Variants in SMG7 observed in about 807,000 individuals in gnomAD.
SMG7 encodes SMG7 nonsense mediated mRNA decay factor, also known as nonsense-mediated mRNA decay factor SMG7.
SMG7 carries 34 observed loss-of-function variants against 148.2 expected under a neutral mutation model. That is an observed-to-expected ratio of 0.23 (90% CI 0.17 to 0.31). The LOEUF is 0.31. SMG7 is among the 10% of genes least tolerant of loss of function. SMG7 has a pLI of 1.00. For synonymous variants in SMG7, 492 were observed against 515.1 expected (o/e 0.96, Z 0.61); for missense variants, 1,114 against 1,408.4 (o/e 0.79, Z 3.35).
rs921509603 is a variant in SMG7 at position 183,550,898 on chromosome 1, A to C, written c.3281A>C (p.Asp1094Ala). 6.2e-7 allele frequency: 1 copy of C among 1,614,136 alleles called. No homozygotes were observed. Residue 1094 changes from aspartate to alanine, a missense_variant, in exon 21 of 23, where the codon GAT (aspartate) becomes GCT (alanine). By Grantham distance (126) the Asp-to-Ala change is moderately radical. Coordinates refer to ENST00000688051, the MANE Select transcript of SMG7 (RefSeq NM_001375584.1). ...GATAACAGGGATAGAAGGACTGCAG[A>C]TCGGTGGAAAACTGATAAGCCAGGT... ...TPDNRDRRTA[D>A]RWKTDKPAMG...
intron 1 of SMG7, among the ~76,000 whole-genome samples, chr1:183,492,451 T>A (rs906255286): frequency 1.3e-5 from 2 of 152,256 alleles, no homozygotes; most frequent in Non-Finnish European, 2.9e-5. Context: ...ACTGTCTTGA[T>A]GACCACAACT....
rs1168766999 is a variant in SMG7, at chr1:183,545,177, A to T, written c.2235A>T (p.Thr745=). Residue 745 remains threonine (T), a synonymous_variant, in exon 16 of 23, where the codon ACA becomes ACT. Coordinates refer to ENST00000688051, the MANE Select transcript of SMG7 (RefSeq NM_001375584.1). ...QSQPPSQQPL[T]SLPAQPTAQS... ...AGCCACCTTCCCAGCAACCCCTTAC[A>T]TCTTTACCAGCTCAGCCAACAGCAC... is the stretch of plus-strand genomic sequence containing the variant. The T allele has an allele frequency of 6.2e-7, 1 of 1,614,096 alleles. No individual in the cohort carries two copies. The highest frequency in any genetic ancestry group is 8.5e-7 in the Non-Finnish European group (1 of 1,180,016).
At chr1:183,550,968 T>C in intron 21 of SMG7, 47 bp downstream of exon 21, 1 of 1,613,440 alleles carries the variant, frequency 6.2e-7, no homozygotes, top group Non-Finnish European at 8.5e-7. Context: ...GAATTTACTC[T>C]ATCCTTCCCT....
chr1:183,540,807 C>G (rs1184836262), intron 12 of SMG7, among the ~76,000 whole-genome samples, 177 bp from the exon 13 acceptor site: 1 of 152,108 alleles, frequency 6.6e-6, no homozygotes, highest in Non-Finnish European at 1.5e-5. Context: ...TGCTTTGTTT[C>G]ATAGTTTGTA....
intron 11 of SMG7, among the ~76,000 whole-genome samples, chr1:183,538,175 T>A (rs1447606123): frequency 6.6e-6 from 1 of 152,164 alleles, no homozygotes; most frequent in Non-Finnish European, 1.5e-5. Flanking sequence ...AGGTGAGTGT[T>A]AGGGGAATGT....
chr1:183,473,177 C>T (rs979253069), intron 1 of SMG7, among the ~76,000 whole-genome samples: 49 of 151,614 alleles, frequency 3.2e-4, no homozygotes, highest in African/African-American at 1.2e-3. Context: ...TCTTCATTCT[C>T]GGGTTGGGAG....
chr1:183,537,628 G>A (rs1245603330), intron 11 of SMG7, among the ~76,000 whole-genome samples: 1 of 152,086 alleles, frequency 6.6e-6, no homozygotes, highest in Non-Finnish European at 1.5e-5. Flanking sequence ...TATCTTCTTC[G>A]GGCCTTTTTC....
intron 4 of SMG7, 71 bp from the exon 5 acceptor site, chr1:183,526,525 C>A: frequency 1.0e-6 from 1 of 997,626 alleles, no homozygotes; most frequent in Non-Finnish European, 1.5e-6. Context: ...AGGTACACAT[C>A]TTACAGTTTA....
At position 183,553,852 on chromosome 1, in the gene SMG7, G is replaced by A. The variant is rs1671459847; in HGVS notation, c.*1921G>A. On this transcript the variant is annotated 3_prime_UTR_variant, in exon 23 of 23. Coordinates refer to ENST00000688051, the MANE Select transcript of SMG7 (RefSeq NM_001375584.1). ...ATTCAGGCAGCTGCAACATTCCAGTGTTTGAACTGTCACTGATTCTTGCGC... is the reference window on the plus strand; with the variant it reads ...ATTCAGGCAGCTGCAACATTCCAGTATTTGAACTGTCACTGATTCTTGCGC... 6.5e-6 allele frequency: 1 copy of A among 152,724 alleles called. No individual in the cohort carries two copies. The highest frequency in any genetic ancestry group is 1.5e-5 in the Non-Finnish European group (1 of 68,222). The allele number at this position is 152,724 out of a possible 1,614,324, so 9.5% of individuals were successfully genotyped here. A position where few individuals can be genotyped will look rare whatever the true frequency, so the allele number is the denominator to read the frequency against.
chr1:183,539,939 A>G (rs969254440), intron 12 of SMG7, among the ~76,000 whole-genome samples: 1 of 152,160 alleles, frequency 6.6e-6, no homozygotes. Context: ...GTGATGTTGC[A>G]TGACTAATAT....
chr1:183,531,812 CA>C (rs1198852819), intron 8 of SMG7, among the ~76,000 whole-genome samples: 1 of 152,116 alleles, frequency 6.6e-6, no homozygotes, highest in Non-Finnish European at 1.5e-5. Flanking sequence ...TTGAGAAATA[CA>C]ACTACATATT....
intron 1 of SMG7, among the ~76,000 whole-genome samples, chr1:183,482,439 TAAA>T (rs551097580): frequency 7.0e-6 from 1 of 142,344 alleles, no homozygotes; most frequent in African/African-American, 2.6e-5. Flanking sequence ...TCATCTTAGG[TAAA>T]AAAAAAAAAT....
intron 1 of SMG7, among the ~76,000 whole-genome samples, chr1:183,478,419 C>T (rs1653217277): frequency 6.6e-6 from 1 of 152,118 alleles, no homozygotes; most frequent in Non-Finnish European, 1.5e-5. Context: ...TAGCTTATTA[C>T]CTGCTTGGAT....
chr1:183,505,710 G>A (rs1270930360), intron 1 of SMG7, among the ~76,000 whole-genome samples: 1 of 152,180 alleles, frequency 6.6e-6, no homozygotes, highest in African/African-American at 2.4e-5. Flanking sequence ...TATGGGTGTA[G>A]CCCTGAACAC....
chr1:183,526,166 T>C (rs1665810084), intron 4 of SMG7, among the ~76,000 whole-genome samples: 6 of 150,324 alleles, frequency 4.0e-5, no homozygotes. Flanking sequence ...ATTTTTTTTT[T>C]TGGAGACAGT....
At chr1:183,526,172 A>G (rs979102600) in intron 4 of SMG7, among the ~76,000 whole-genome samples, 2 of 141,264 alleles carry the variant, frequency 1.4e-5, no homozygotes, top group African/African-American at 5.5e-5. Context: ...TTTTTTGGAG[A>G]CAGTCTTGCT....
chr1:183,514,300 G>C (rs539767536), intron 2 of SMG7, among the ~76,000 whole-genome samples: 1 of 151,846 alleles, frequency 6.6e-6, no homozygotes, highest in African/African-American at 2.4e-5. Context: ...CTTTTTGTCA[G>C]CTCTAGAGTC....
At chr1:183,530,847 C>G (rs766352248) in intron 8 of SMG7, among the ~76,000 whole-genome samples, 43 of 152,022 alleles carry the variant, frequency 2.8e-4, no homozygotes, top group Non-Finnish European at 2.5e-4. Context: ...GTGAAATACT[C>G]TCTAAATTGG....
intron 1 of SMG7, among the ~76,000 whole-genome samples, chr1:183,493,035 C>A (rs1322364734): frequency 1.3e-5 from 2 of 152,184 alleles, no homozygotes; most frequent in African/African-American, 2.4e-5. Context: ...GTGGTACAAT[C>A]ATAATTCACT....
Sources: allele counts gnomAD v4.1 joint callset (sites outside exome capture counted in the v4.1 genomes callset), GRCh38; gene constraint gnomAD v4.1.1; transcripts MANE v1.5; gene names NCBI Gene and HGNC (gene_info 2026-07-23, HGNC 2026-07-21).